The following TPO variants were observed in gnomAD, a reference collection of about 807,000 sequenced individuals.
TPO encodes thyroid peroxidase.
A neutral mutation model predicts 96.9 loss-of-function variants in TPO; 78 were observed. That is an observed-to-expected ratio of 0.81 (90% CI 0.67 to 0.97). The LOEUF is 0.97. TPO is among the 50% of genes least tolerant of loss of function. The pLI, the probability that TPO is intolerant of heterozygous loss-of-function variation, is 0.00. For synonymous variants in TPO, 547 were observed against 538.0 expected, an observed-to-expected ratio of 1.02 and a Z score of -0.23; for missense variants, 1,252 against 1,274.8, an observed-to-expected ratio of 0.98 and a Z score of 0.27.
chr2:1,510,095 A>G (rs1409122611), intron 14 of TPO, among the ~76,000 whole-genome samples: 2 of 152,224 alleles, frequency 1.3e-5, no homozygotes, highest in Non-Finnish European at 2.9e-5. Flanking sequence ...ATGAAATAGT[A>G]TCCTCTCTTC....
chr2:1,425,803 A>G (rs1664316297), intron 3 of TPO, among the ~76,000 whole-genome samples: 1 of 152,174 alleles, frequency 6.6e-6, no homozygotes, highest in South Asian at 2.1e-4. Flanking sequence ...TATCCTCAGA[A>G]GTCTATGCTC....
intron 15 of TPO, among the ~76,000 whole-genome samples, chr2:1,537,883 C>G (rs865979883): frequency 4.9e-5 from 6 of 121,246 alleles, no homozygotes; most frequent in Non-Finnish European, 1.0e-4. Context: ...CTGTGTGCAA[C>G]CTCCTCAAAT....
chr2:1,534,354 G>A lies in TPO; in HGVS notation c.2619-6240G>A, dbSNP rs1472849380. ...CCACTGTGTGCAACTTCCCTAAGTC[G>A]TCCAACTGTGTTCAACCTCCCCAAA... On this transcript the variant is annotated intron_variant, in intron 15 of 16. Transcript: ENST00000329066. Among the ~76,000 whole-genome samples the A allele has an allele frequency of 7.3e-5, 8 of 109,472 alleles. 1 individual carries two copies. The highest frequency in any genetic ancestry group is 2.0e-4 in the African/African-American group (6 of 29,404). The allele number at this position is 109,472 out of a possible 152,430, so 71.8% of individuals were successfully genotyped here.
intron 8 of TPO, among the ~76,000 whole-genome samples, chr2:1,479,429 C>T (rs1194832252): frequency 6.6e-6 from 1 of 152,194 alleles, no homozygotes; most frequent in Non-Finnish European, 1.5e-5. Flanking sequence ...GGAAGTCCTG[C>T]CCCTTCTGTC....
At chr2:1,416,365 A>T (rs1319127661) in intron 2 of TPO, among the ~76,000 whole-genome samples, 1 of 152,244 alleles carries the variant, frequency 6.6e-6, no homozygotes, top group Non-Finnish European at 1.5e-5. Flanking sequence ...AGAGTAAAAC[A>T]TGTTAGAAGT....
chr2:1,396,941 A>G lies in TPO; in HGVS notation n.180+22539A>G, dbSNP rs960414309. Among the ~76,000 whole-genome samples, 6 of 152,234 alleles carry G rather than the reference A, an allele frequency of 3.9e-5. No individual in the cohort carries two copies. In the East Asian group the frequency reaches 5.8e-4, roughly 15 times the overall value. On this transcript the variant is annotated intron_variant and non_coding_transcript_variant, in intron 1 of 5. Transcript: ENST00000497517. The stretch of plus-strand genomic sequence containing the variant: ...CATAGAACTTGGACTCAATGTTTCT[A>G]TGGTATATAAACATCAGCATACTTG...
chr2:1,484,323 G>A (rs1023132362), intron 8 of TPO, among the ~76,000 whole-genome samples: 2 of 152,210 alleles, frequency 1.3e-5, no homozygotes, highest in Non-Finnish European at 2.9e-5. Flanking sequence ...GCCATTGTTG[G>A]CTCGACAGAG....
rs1264009885 is a variant in TPO, at chr2:1,532,622, C to A, written c.2619-7972C>A. ...CACAGTGTGCAATCTCCACAAATCCCCCCCCACTCTGTACAACCTCCCCAA... is the reference window on the plus strand; with the variant it reads ...CACAGTGTGCAATCTCCACAAATCCACCCCCACTCTGTACAACCTCCCCAA... On this transcript the variant is annotated intron_variant, in intron 15 of 16. Transcript: ENST00000329066. Among the ~76,000 whole-genome samples, 120 of 100,194 alleles carry A rather than the reference C, an allele frequency of 1.2e-3. 2 individuals carry two copies. Among genetic ancestry groups the A allele is most frequent in the African/African-American group, 4.9e-3 (114 of 23,246 alleles). 65.7% of individuals were successfully genotyped at this position (100,194 alleles called of 152,430 possible).
chr2:1,446,652 T>G (rs1000131660), intron 5 of TPO, among the ~76,000 whole-genome samples: 1 of 152,240 alleles, frequency 6.6e-6, no homozygotes, highest in Non-Finnish European at 1.5e-5. Flanking sequence ...GAATCTTTTT[T>G]GATTTATAGA....
intron 5 of TPO, among the ~76,000 whole-genome samples, chr2:1,443,965 C>T (rs796737071): frequency 1.2e-4 from 11 of 92,762 alleles, no homozygotes; most frequent in East Asian, 3.4e-4. Flanking sequence ...TGGAAGGGAA[C>T]GGGGCAGGCT....
chr2:1,481,285 C>T (rs1182928092), intron 8 of TPO, among the ~76,000 whole-genome samples: 2 of 152,216 alleles, frequency 1.3e-5, no homozygotes, highest in Admixed American at 1.3e-4. Context: ...AAACCCTTCC[C>T]AGCACAGGTG....
intron 14 of TPO, among the ~76,000 whole-genome samples, chr2:1,513,026 G>A (rs924295326): frequency 1.3e-5 from 2 of 152,240 alleles, no homozygotes; most frequent in Non-Finnish European, 2.9e-5. Flanking sequence ...TCCCGTGCAA[G>A]CAGCCGTCAG....
chr2:1,441,892 G>T (rs1299251389), intron 5 of TPO, among the ~76,000 whole-genome samples: 1 of 152,154 alleles, frequency 6.6e-6, no homozygotes, highest in African/African-American at 2.4e-5. Context: ...TGATATAGTT[G>T]GCTGTGTCCC....
upstream of TPO, among the ~76,000 whole-genome samples, chr2:1,409,137 C>T (rs570709964): frequency 1.3e-4 from 20 of 151,832 alleles, no homozygotes; most frequent in South Asian, 1.7e-3. Flanking sequence ...GACAGACTGC[C>T]GTCCCCAGAG....
Position 1,377,952 on chromosome 2 carries a change from C to G in TPO, n.180+3550C>G, listed in dbSNP as rs540562353. 1.4e-3 allele frequency among the ~76,000 whole-genome samples: 208 copies of G among 152,240 alleles called. 1 individual carries two copies. Among genetic ancestry groups the G allele is most frequent in the African/African-American group, 4.9e-3 (204 of 41,548 alleles). Reference sequence around the variant, plus strand: ...AATTTCCACTTGTGGTGGGAGGGACCTGGTGGGAGATAATTGAATCATGGG... The same window carrying G: ...AATTTCCACTTGTGGTGGGAGGGACGTGGTGGGAGATAATTGAATCATGGG... On this transcript the variant is annotated intron_variant and non_coding_transcript_variant, in intron 1 of 5. Transcript: ENST00000497517.
At chr2:1,523,488 C>T (rs1185174907) in intron 15 of TPO, among the ~76,000 whole-genome samples, 15 of 133,942 alleles carry the variant, frequency 1.1e-4, no homozygotes, top group African/African-American at 3.6e-4. Flanking sequence ...TCTATGCAAA[C>T]TCCCCAAATC....
rs1321606313 is a variant in TPO at position 1,390,089 on chromosome 2, G to A, written n.180+15687G>A. Among the ~76,000 whole-genome samples the A allele has an allele frequency of 2.8e-4, 42 of 150,204 alleles. 1 individual carries two copies. The highest frequency in any genetic ancestry group is 1.0e-4 in the Non-Finnish European group (7 of 67,710). Reference sequence around the variant, plus strand: ...CAACGTGCAGGTTTGATACATGGGTGTACATGTGCCATGTTCGTTTGCCAC... The same window carrying A: ...CAACGTGCAGGTTTGATACATGGGTATACATGTGCCATGTTCGTTTGCCAC... On this transcript the variant is annotated intron_variant and non_coding_transcript_variant, in intron 1 of 5. Transcript: ENST00000497517.
At position 1,477,287 on chromosome 2, in the gene TPO, C is replaced by A. The variant is rs369225819; in HGVS notation, c.1021C>A (p.Arg341=). The A allele has an allele frequency of 6.3e-7, 1 of 1,594,370 alleles. No homozygotes were observed. Among genetic ancestry groups the A allele is most frequent in the Admixed American group, 1.8e-5 (1 of 56,710 alleles). ...GSSPALERQL[R]NWTSAEGLLR... ...CTCCCCGGCCCTAGAGAGGCAGCTG[C>A]GGAACTGGACCAGTGCCGAAGGGCT... Residue 341 remains arginine (R), a synonymous_variant, in exon 8 of 17, where the codon CGG becomes AGG. Coordinates refer to ENST00000329066, the MANE Select transcript of TPO (RefSeq NM_001206744.2).
At chr2:1,478,057 C>G (rs1670154360) in intron 8 of TPO, 1 of 985,306 alleles carries the variant, frequency 1.0e-6, no homozygotes, top group South Asian at 4.7e-5. Context: ...ACCAGGGGTG[C>G]TGGTGTTTTT....
Sources: gnomAD v4.1 joint callset for allele counts (sites outside exome capture counted in the v4.1 genomes callset) on GRCh38, gnomAD v4.1.1 for gene constraint, MANE v1.5 for transcripts, NCBI Gene and HGNC (gene_info 2026-07-23, HGNC 2026-07-21) for gene names.